The following STXBP6 variants were observed in gnomAD, a reference collection of about 807,000 sequenced individuals.
STXBP6 encodes syntaxin binding protein 6, also known as syntaxin-binding protein 6.
Under a neutral mutation model 26.9 loss-of-function variants are expected in STXBP6, and 21 were observed. The observed-to-expected ratio is 0.78, with a 90% confidence interval of 0.55 to 1.12. STXBP6 has a LOEUF of 1.12. STXBP6 is among the 50% of genes most tolerant of loss of function. The pLI is 0.00. For synonymous variants in STXBP6, 97 were observed against 92.6 expected, an observed-to-expected ratio of 1.05 and a Z score of -0.27; for missense variants, 232 against 257.9, an observed-to-expected ratio of 0.90 and a Z score of 0.69.
chr14:24,812,849 C>T (rs1772271984), intron 5 of STXBP6, 117 bp from the exon 6 acceptor site: 3 of 982,672 alleles, frequency 3.1e-6, no homozygotes, highest in Non-Finnish European at 4.8e-6. Context: ...AGATTCTACT[C>T]TCTGTGGCAG....
At chr14:24,823,958 G>A (rs2068212311) in intron 4 of STXBP6, among the ~76,000 whole-genome samples, 1 of 152,174 alleles carries the variant, frequency 6.6e-6, no homozygotes. Context: ...CTGCGTAGAT[G>A]AAGTAGGCTC....
At chr14:25,006,169 T>G (rs1249294846) in intron 1 of STXBP6, among the ~76,000 whole-genome samples, 1 of 152,238 alleles carries the variant, frequency 6.6e-6, no homozygotes, top group African/African-American at 2.4e-5. Flanking sequence ...TTCCTCACGC[T>G]GAACTAGGGA....
rs561311251 is a variant in STXBP6 at position 24,857,768 on chromosome 14, C to A, written c.155-611G>T. Among the ~76,000 whole-genome samples the A allele has an allele frequency of 4.6e-5, 7 of 151,956 alleles. 1 individual carries two copies. The South Asian group carries it at 1.5e-3, about 32-fold the overall frequency. ...CTGGTGTTCTGGGCACACCTCCACA[C>A]CTGTAGGAAAAGGACAATTTCTTCT... is the stretch of plus-strand genomic sequence containing the variant. On this transcript the variant is annotated intron_variant, in intron 2 of 5. Coordinates refer to ENST00000323944, the MANE Select transcript of STXBP6 (RefSeq NM_001394410.1).
intron 1 of STXBP6, among the ~76,000 whole-genome samples, chr14:24,988,935 T>A (rs757572017): frequency 2.6e-5 from 4 of 152,206 alleles, no homozygotes; most frequent in Admixed American, 2.0e-4. Flanking sequence ...TTAAAAATGT[T>A]CATCCCCACC....
intron 2 of STXBP6, among the ~76,000 whole-genome samples, chr14:24,941,413 G>A (rs780795974): frequency 6.6e-6 from 1 of 152,182 alleles, no homozygotes; most frequent in Non-Finnish European, 1.5e-5. Context: ...ATTACATTCA[G>A]CTGGGTGAGG....
chr14:24,949,446 C>T (rs974667684), intron 2 of STXBP6, among the ~76,000 whole-genome samples: 2 of 152,150 alleles, frequency 1.3e-5, no homozygotes, highest in East Asian at 3.8e-4. Flanking sequence ...AAAGACAAGA[C>T]TGAGAGGCAC....
At chr14:24,907,253 G>T (rs1181136861) in intron 2 of STXBP6, among the ~76,000 whole-genome samples, 7 of 151,968 alleles carry the variant, frequency 4.6e-5, no homozygotes, top group Non-Finnish European at 7.4e-5. Flanking sequence ...TTGTACACAG[G>T]CATCAATATA....
chr14:24,883,069 A>T (rs1186414363), intron 2 of STXBP6, among the ~76,000 whole-genome samples: 1 of 152,230 alleles, frequency 6.6e-6, no homozygotes, highest in African/African-American at 2.4e-5. Context: ...TAAATATGCA[A>T]CAACTATAAT....
intron 5 of STXBP6, chr14:24,815,817 C>G (rs989669052): frequency 8.5e-5 from 13 of 152,096 alleles, no homozygotes; most frequent in African/African-American, 2.4e-4. Context: ...TTGTGGTGCA[C>G]TTTCCTGAGG....
At chr14:24,866,744 TCCA>T (rs566862782) in intron 2 of STXBP6, among the ~76,000 whole-genome samples, 55 of 150,958 alleles carry the variant, frequency 3.6e-4, no homozygotes, top group Non-Finnish European at 4.9e-4. Flanking sequence ...GGTATGTCTG[TCCA>T]CAGGAATACT....
At chr14:24,968,170 A>AATATATTTAT (rs533379953) in intron 2 of STXBP6, among the ~76,000 whole-genome samples, 2 of 144,362 alleles carry the variant, frequency 1.4e-5, no homozygotes, top group African/African-American at 5.1e-5. Flanking sequence ...TATAATAAAG[A>AATATATTTAT]ATATATATAT....
chr14:24,876,692 A>G (rs1270756), intron 2 of STXBP6, among the ~76,000 whole-genome samples: 140,761 of 152,246 alleles, frequency 0.92, 65,083 homozygotes, highest in Non-Finnish European at 0.94. Context: ...GCTGCAGGGC[A>G]AGGTTCACTT....
At chr14:25,041,507 T>G (rs1413875169) in intron 1 of STXBP6, among the ~76,000 whole-genome samples, 1 of 152,176 alleles carries the variant, frequency 6.6e-6, no homozygotes, top group African/African-American at 2.4e-5. Context: ...AGAATAATAT[T>G]AACTTCTTAA....
intron 4 of STXBP6, among the ~76,000 whole-genome samples, chr14:24,844,120 C>T (rs1350938348): frequency 2.0e-5 from 3 of 152,126 alleles, no homozygotes; most frequent in Non-Finnish European, 4.4e-5. Context: ...GTAGAAGCCC[C>T]TAAATGATGG....
At chr14:25,005,613 C>T (rs931900189) in intron 1 of STXBP6, among the ~76,000 whole-genome samples, 1 of 152,184 alleles carries the variant, frequency 6.6e-6, no homozygotes, top group African/African-American at 2.4e-5. Flanking sequence ...AGAATGCTTA[C>T]ACACAAACTC....
chr14:24,995,092 T>A (rs2074569218), intron 1 of STXBP6: 1 of 152,184 alleles, frequency 6.6e-6, no homozygotes. Flanking sequence ...ATTTCTCACT[T>A]TTCGGGAGGC....
intron 2 of STXBP6, among the ~76,000 whole-genome samples, chr14:24,928,406 A>G (rs1435943512): frequency 6.6e-6 from 1 of 151,338 alleles, no homozygotes; most frequent in East Asian, 1.9e-4. Flanking sequence ...TTTTCCTCCA[A>G]GTTTTCTTTT....
chr14:25,003,295 C>T (rs1319527791), intron 1 of STXBP6, among the ~76,000 whole-genome samples: 4 of 152,168 alleles, frequency 2.6e-5, no homozygotes, highest in Non-Finnish European at 4.4e-5. Context: ...CCAAGGAGAG[C>T]AGAGCCTCTT....
At chr14:24,946,724 C>A (rs945717259) in intron 2 of STXBP6, among the ~76,000 whole-genome samples, 1 of 152,130 alleles carries the variant, frequency 6.6e-6, no homozygotes, top group Non-Finnish European at 1.5e-5. Context: ...GAGAGGTTGG[C>A]AGAGGGCCTG....
Sources: gnomAD v4.1 joint callset for allele counts (sites outside exome capture counted in the v4.1 genomes callset) on GRCh38, gnomAD v4.1.1 for gene constraint, MANE v1.5 for transcripts, NCBI Gene and HGNC (gene_info 2026-07-23, HGNC 2026-07-21) for gene names.